Variants in MAP4K3 observed in about 807,000 individuals in gnomAD.
MAP4K3 encodes mitogen-activated protein kinase kinase kinase kinase 3.
MAP4K3 carries 94 observed loss-of-function variants against 143.5 expected under a neutral mutation model. The ratio of observed to expected loss-of-function variants is 0.65; its 90% CI spans 0.55 to 0.78. The LOEUF is 0.78. MAP4K3 is among the 30% of genes least tolerant of loss of function. The pLI, the probability that MAP4K3 is intolerant of heterozygous loss-of-function variation, is 0.00. For synonymous variants in MAP4K3, 416 were observed against 347.2 expected (o/e 1.20, Z -2.20); for missense variants, 1,077 against 1,068.1 (o/e 1.01, Z -0.12).
intron 1 of MAP4K3, among the ~76,000 whole-genome samples, chr2:39,416,011 A>ATAT (rs1667370062): frequency 8.4e-6 from 1 of 119,416 alleles, no homozygotes; most frequent in African/African-American, 3.3e-5. Context: ...ATATAAAAAT[A>ATAT]ACATTTGGAA....
At chr2:39,372,618 C>T (rs1666113548) in intron 2 of MAP4K3, among the ~76,000 whole-genome samples, 1 of 151,878 alleles carries the variant, frequency 6.6e-6, no homozygotes, top group African/African-American at 2.4e-5. Context: ...GAATGGAGAA[C>T]CCAGAAATAA....
At chr2:39,296,369 G>A (rs1336462997) in intron 16 of MAP4K3, among the ~76,000 whole-genome samples, 1 of 152,142 alleles carries the variant, frequency 6.6e-6, no homozygotes, top group African/African-American at 2.4e-5. Context: ...AAGATTGAAT[G>A]TTACACAATA....
intron 1 of MAP4K3, among the ~76,000 whole-genome samples, chr2:39,407,558 T>G (rs969634025): frequency 6.6e-6 from 1 of 152,120 alleles, no homozygotes; most frequent in Admixed American, 6.6e-5. Context: ...TTGTTTGTTT[T>G]TGTTATTTTT....
chr2:39,411,633 T>A (rs952715128), intron 1 of MAP4K3, among the ~76,000 whole-genome samples: 2 of 152,240 alleles, frequency 1.3e-5, no homozygotes, highest in Non-Finnish European at 2.9e-5. Context: ...AGTAAGCTTT[T>A]ATCTGGCAAA....
intron 1 of MAP4K3, among the ~76,000 whole-genome samples, chr2:39,387,591 C>T (rs1466342337): frequency 6.6e-6 from 1 of 152,164 alleles, no homozygotes; most frequent in Admixed American, 6.5e-5. Context: ...TGCTATGTGC[C>T]AGTGTCACAG....
intron 17 of MAP4K3, 117 bp downstream of exon 17, chr2:39,293,113 T>C (rs567639931): frequency 7.6e-6 from 6 of 788,658 alleles, no homozygotes; most frequent in East Asian, 5.4e-5. Flanking sequence ...CGAGACCCTA[T>C]CTCTATTAAA....
At chr2:39,309,409 C>CA in intron 14 of MAP4K3, 52 bp downstream of exon 14, 1 of 1,381,504 alleles carries the variant, frequency 7.2e-7, no homozygotes, top group South Asian at 1.3e-5. Flanking sequence ...CACACAAAAA[C>CA]AAATTAAAAC....
In MAP4K3 at chr2:39,325,879, A is replaced by C; in HGVS notation, c.725+20T>G. On this transcript the variant is annotated intron_variant, in intron 10 of 33. Transcript: ENST00000263881. ...TTTTGCTCATCTCACCATAAAAGTA[A>C]ATAACATAAAAATACTTACCATTTC... 6.4e-7 allele frequency: 1 copy of C among 1,565,848 alleles called. No individual in the cohort carries two copies. Among genetic ancestry groups the C allele is most frequent in the South Asian group, 1.2e-5 (1 of 86,450 alleles).
At chr2:39,295,394 TATAA>T (rs1247509354) in intron 16 of MAP4K3, among the ~76,000 whole-genome samples, 1 of 151,952 alleles carries the variant, frequency 6.6e-6, no homozygotes, top group East Asian at 1.9e-4. Context: ...TTTTGAATAC[TATAA>T]ATATTGATAG....
chr2:39,410,990 G>T (rs1376195776), intron 1 of MAP4K3, among the ~76,000 whole-genome samples: 1 of 152,074 alleles, frequency 6.6e-6, no homozygotes, highest in South Asian at 2.1e-4. Flanking sequence ...AAAATATTTT[G>T]ATATCATTAT....
intron 1 of MAP4K3, among the ~76,000 whole-genome samples, chr2:39,381,336 T>G (rs1666351372): frequency 6.6e-6 from 1 of 152,232 alleles, no homozygotes; most frequent in South Asian, 2.1e-4. Flanking sequence ...TTTTAAATTC[T>G]TTTTAAATTG....
At chr2:39,388,032 C>T (rs1036227139) in intron 1 of MAP4K3, among the ~76,000 whole-genome samples, 1 of 152,126 alleles carries the variant, frequency 6.6e-6, no homozygotes, top group African/African-American at 2.4e-5. Flanking sequence ...ATTTGTATTT[C>T]AAAGTTTAAT....
At chr2:39,436,669 T>G (rs1019894958) in intron 1 of MAP4K3, 2 of 557,366 alleles carry the variant, frequency 3.6e-6, no homozygotes, top group Non-Finnish European at 3.2e-6. Flanking sequence ...GCAAAAATCA[T>G]GTCCACCGGG....
intron 13 of MAP4K3, among the ~76,000 whole-genome samples, chr2:39,312,642 T>C (rs929864293): frequency 5.3e-5 from 8 of 152,216 alleles, no homozygotes; most frequent in Admixed American, 3.9e-4. Flanking sequence ...TTTTAAGCTG[T>C]TAATGGCTCA....
At chr2:39,347,461 T>C (rs1186342678) in intron 3 of MAP4K3, among the ~76,000 whole-genome samples, 5 of 152,192 alleles carry the variant, frequency 3.3e-5, no homozygotes, top group Non-Finnish European at 5.9e-5. Flanking sequence ...ACAGGTTGAA[T>C]GACTGTTCTG....
At chr2:39,357,769 T>C (rs1327544742) in intron 2 of MAP4K3, among the ~76,000 whole-genome samples, 1 of 152,190 alleles carries the variant, frequency 6.6e-6, no homozygotes, top group Admixed American at 6.5e-5. Context: ...AAAGCCAAAA[T>C]AAGACTAACA....
At chr2:39,308,939 CTCAAA>C (rs1682815062) in intron 14 of MAP4K3, among the ~76,000 whole-genome samples, 1 of 151,238 alleles carries the variant, frequency 6.6e-6, no homozygotes, top group African/African-American at 2.4e-5. Flanking sequence ...TAAAAAGCCC[CTCAAA>C]AAGAGAAAAA....
chr2:39,292,723 C>G (rs772333556), intron 18 of MAP4K3, 50 bp downstream of exon 18: 1 of 1,435,902 alleles, frequency 7.0e-7, no homozygotes, highest in Non-Finnish European at 9.8e-7. Flanking sequence ...TTGATGAAAT[C>G]AGGTCAAATG....
Position 39,251,820 on chromosome 2 carries a change from G to T in MAP4K3, c.2597+10C>A. On this transcript the variant is annotated intron_variant, in intron 33 of 33. Coordinates refer to ENST00000263881, the MANE Select transcript of MAP4K3 (RefSeq NM_003618.4). ...TAGTACTGTGTATTTAATACAGTCC[G>T]TTTTCATACCTGTCAGATCCAAGCA... 1 of 1,611,794 alleles carries T rather than the reference G, an allele frequency of 6.2e-7. No homozygotes were observed. Among genetic ancestry groups the T allele is most frequent in the East Asian group, 2.2e-5 (1 of 44,802 alleles).
Sources: gnomAD v4.1 joint callset for allele counts (sites outside exome capture counted in the v4.1 genomes callset) on GRCh38, gnomAD v4.1.1 for gene constraint, MANE v1.5 for transcripts, NCBI Gene and HGNC (gene_info 2026-07-23, HGNC 2026-07-21) for gene names.